The following MID1 variants were observed in gnomAD, a reference collection of about 807,000 sequenced individuals.
MID1 encodes the protein E3 ubiquitin-protein ligase Midline-1.
MID1 carries 7 observed loss-of-function variants against 40.4 expected under a neutral mutation model. That is an observed-to-expected ratio of 0.17 (90% CI 0.10 to 0.33). MID1 has a LOEUF of 0.33. Ranked by LOEUF, MID1 falls within the 10% of genes least tolerant of loss-of-function variation. The probability of loss-of-function intolerance (pLI) is 1.00; values close to 1 mark genes in which losing one functional copy is unlikely to be tolerated. For synonymous variants in MID1, 229 were observed against 221.2 expected (o/e 1.04, Z -0.31); for missense variants, 367 against 558.5 (o/e 0.66, Z 3.46).
chrX:10,544,886 T>G (rs1933620189), intron 2 of MID1, among the ~76,000 whole-genome samples: 1 of 112,615 alleles, frequency 8.9e-6, no homozygotes, highest in Non-Finnish European at 1.9e-5. Flanking sequence ...TGCAACATAA[T>G]TATGAACTCT....
chrX:10,655,609 C>G lies in MID1; in HGVS notation c.-186-35190G>C, dbSNP rs772228695. Among the ~76,000 whole-genome samples the G allele has an allele frequency of 3.6e-5, 4 of 111,026 alleles. No individual in the cohort carries two copies. The South Asian group carries it at 1.5e-3, about 43-fold the overall frequency. On this transcript the variant is annotated intron_variant, in intron 1 of 10. Coordinates refer to the MID1 transcript ENST00000380785. The stretch of plus-strand genomic sequence containing the variant: ...CACATGAATTGGTCACAAATTATGT[C>G]AACAAGTGAAATCTACCCACTCTTT...
At chrX:10,797,274 G>A (rs2043973799) in intron 1 of MID1, among the ~76,000 whole-genome samples, 1 of 111,323 alleles carries the variant, frequency 9.0e-6, no homozygotes, top group Non-Finnish European at 1.9e-5. Context: ...TTAGAGCGGG[G>A]CCTAATAAAT....
At chrX:10,539,935 C>G (rs938497864) in intron 2 of MID1, among the ~76,000 whole-genome samples, 1 of 112,409 alleles carries the variant, frequency 8.9e-6, no homozygotes, top group East Asian at 2.8e-4. Flanking sequence ...CACCTGGGCT[C>G]GGTGCGGTGT....
At chrX:10,445,495 C>T (rs889287284), downstream of MID1, 1 of 112,135 alleles carries the variant, frequency 8.9e-6, no homozygotes. Flanking sequence ...TATTTGTCAA[C>T]ATCATAACTG....
At chrX:10,562,181 G>A (rs745901653) in intron 2 of MID1, among the ~76,000 whole-genome samples, 2 of 104,554 alleles carry the variant, frequency 1.9e-5, no homozygotes, top group East Asian at 5.7e-4. Flanking sequence ...GAGAACACAT[G>A]GACACAGGGA....
At chrX:10,678,143 C>G (rs779792032) in intron 1 of MID1, among the ~76,000 whole-genome samples, 1 of 111,241 alleles carries the variant, frequency 9.0e-6, no homozygotes, top group Non-Finnish European at 1.9e-5. Flanking sequence ...CTTTGTTATA[C>G]GCAATTTAAG....
intron 3 of MID1, among the ~76,000 whole-genome samples, chrX:10,512,063 C>T (rs1932187182): frequency 8.9e-6 from 1 of 112,079 alleles, no homozygotes; most frequent in South Asian, 3.7e-4. Flanking sequence ...CATCTTTATA[C>T]ATGAATCTCA....
rs1204263786 is a variant in MID1 at position 10,541,985 on chromosome X, C to T, written c.661-18798G>A. ...AGTCAAATGATGGGAGTTTTACCCCCATTAACGGAACTTAGTGTGGACAGC... is the reference window on the plus strand; with the variant it reads ...AGTCAAATGATGGGAGTTTTACCCCTATTAACGGAACTTAGTGTGGACAGC... On this transcript the variant is annotated intron_variant, in intron 2 of 9. Transcript: ENST00000317552. Among the ~76,000 whole-genome samples the T allele has an allele frequency of 4.3e-4, 48 of 111,974 alleles. No homozygotes were observed. In the Admixed American group the frequency reaches 4.6e-3, roughly 11 times the overall value.
At chrX:10,529,583 A>T (rs1686099169) in intron 2 of MID1, among the ~76,000 whole-genome samples, 1 of 111,915 alleles carries the variant, frequency 8.9e-6, no homozygotes, top group Non-Finnish European at 1.9e-5. Context: ...TTTCGTGGTC[A>T]GTATTACTCA....
chrX:10,704,727 TATATATATATATACACAC>T (rs1227219982), intron 1 of MID1, among the ~76,000 whole-genome samples: 2 of 84,065 alleles, frequency 2.4e-5, no homozygotes, highest in African/African-American at 1.1e-4. Flanking sequence ...TATATATATA[TATATATATATATACACAC>T]ACACACACAC....
rs2042877320 is a variant in MID1 at position 10,656,817 on chromosome X, T to C, written c.-186-36398A>G. On this transcript the variant is annotated intron_variant, in intron 1 of 10. Transcript: ENST00000380785. ...CTATTCTCTTCCTCGTGGAAGAATA[T>C]TGACAAGGCTCTTGCAGGCACCCGT... Among the ~76,000 whole-genome samples the C allele has an allele frequency of 5.4e-5, 6 of 110,742 alleles. No homozygotes were observed. The South Asian group carries it at 1.9e-3, about 36-fold the overall frequency.
At chrX:10,625,704 A>G (rs772703136) in intron 1 of MID1, among the ~76,000 whole-genome samples, 3 of 112,232 alleles carry the variant, frequency 2.7e-5, no homozygotes, top group East Asian at 5.6e-4. Flanking sequence ...AAGTCATACT[A>G]TCAATCAAAT....
At chrX:10,558,075 A>C (rs1465182893) in intron 2 of MID1, among the ~76,000 whole-genome samples, 1 of 110,287 alleles carries the variant, frequency 9.1e-6, no homozygotes, top group Non-Finnish European at 1.9e-5. Context: ...TAAAAAAAAA[A>C]AAAAAACACT....
rs1298660007 is a variant in MID1, at chrX:10,522,996, A to G, written c.756+96T>C. On this transcript the variant is annotated intron_variant, in intron 3 of 9. Transcript: ENST00000317552. ...TGCAAAATATTTAATTTTAAGAAAG[A>G]TTCTTGTTTTAAAATTATAAAGCAT... 10 of 662,228 alleles carry G rather than the reference A, an allele frequency of 1.5e-5. No homozygotes were observed. The East Asian group carries it at 2.6e-4, about 17-fold the overall frequency. 54.6% of individuals were successfully genotyped at this position (662,228 alleles called of 1,213,427 possible). A position where few individuals can be genotyped will look rare whatever the true frequency, so the allele number is the denominator to read the frequency against.
intron 1 of MID1, among the ~76,000 whole-genome samples, chrX:10,721,130 A>G (rs2043351638): frequency 9.0e-6 from 1 of 110,757 alleles, no homozygotes; most frequent in African/African-American, 3.3e-5. Context: ...GCACGCCAAC[A>G]TGGCACATGT....
At chrX:10,789,061 T>C (rs2043909202) in intron 1 of MID1, among the ~76,000 whole-genome samples, 1 of 110,869 alleles carries the variant, frequency 9.0e-6, no homozygotes, top group African/African-American at 3.3e-5. Context: ...GGTGTGGTGG[T>C]GCGTGCCTGT....
intron 2 of MID1, among the ~76,000 whole-genome samples, chrX:10,556,155 T>C (rs920146419): frequency 6.3e-5 from 7 of 111,282 alleles, no homozygotes; most frequent in African/African-American, 2.3e-4. Context: ...GCTTACTGTG[T>C]ATCATGTCAC....
intron 2 of MID1, 90 bp downstream of exon 2, chrX:10,566,798 C>T: frequency 9.9e-7 from 1 of 1,009,357 alleles, no homozygotes. Flanking sequence ...AGAAAACCTT[C>T]ACCTGCCATG....
rs762353272 is a variant in MID1 at position 10,567,209 on chromosome X, G to A, written c.339C>T (p.Ser113=). ...AAAACTGGCAGAGGACCTTCTCGGC[G>A]GAGGTCATGGTGTTGGCGTCAAAGG... ...ERAFDANTMT[S]AEKVLCQFCD... The change falls in exon 2 of 10, where the codon TCC becomes TCT. Residue 113 remains serine, a synonymous_variant. Transcript: ENST00000317552. 19 of 1,209,519 alleles carry A rather than the reference G, an allele frequency of 1.6e-5. No individual in the cohort carries two copies. Among genetic ancestry groups the A allele is most frequent in the Admixed American group, 8.7e-5 (4 of 45,813 alleles).
Sources: allele counts gnomAD v4.1 joint callset (sites outside exome capture counted in the v4.1 genomes callset), GRCh38; gene constraint gnomAD v4.1.1; transcripts MANE v1.5; gene names NCBI Gene and HGNC (gene_info 2026-07-23, HGNC 2026-07-21).